The following CALB1 variants were observed in gnomAD, a reference collection of about 807,000 sequenced individuals.
CALB1 encodes calbindin 1.
Under a neutral mutation model 46.7 loss-of-function variants are expected in CALB1, and 16 were observed. The observed-to-expected ratio is 0.34, with a 90% confidence interval of 0.23 to 0.52. The LOEUF is 0.52. Ranked by LOEUF, CALB1 falls within the 20% of genes least tolerant of loss-of-function variation. The pLI is 0.95. For missense variants in CALB1, 224 were observed against 300.3 expected, an observed-to-expected ratio of 0.75 and a Z score of 1.88; for synonymous variants, 90 against 112.8, an observed-to-expected ratio of 0.80 and a Z score of 1.28.
chr8:90,062,764 G>C (rs1814326666), intron 9 of CALB1: 1 of 193,198 alleles, frequency 5.2e-6, no homozygotes, highest in South Asian at 1.1e-4. Context: ...AAAACAGTAT[G>C]GAGAGCCCTC....
rs1814278569 is a variant in CALB1, at chr8:90,060,623, A to G, written c.672+6T>C. 1 of 1,611,182 alleles carries G rather than the reference A, an allele frequency of 6.2e-7. No individual in the cohort carries two copies. The highest frequency in any genetic ancestry group is 1.7e-5 in the Admixed American group (1 of 59,994). On this transcript the variant is annotated splice_donor_region_variant and intron_variant, in intron 10 of 10. Transcript: ENST00000265431. Reference sequence around the variant, plus strand: ...AAAGAAGTAAGTGCCATGGTAACTAAGTTACCTGTTTATTCTTCTCGCACA... The same window carrying G: ...AAAGAAGTAAGTGCCATGGTAACTAGGTTACCTGTTTATTCTTCTCGCACA...
intron 3 of CALB1, among the ~76,000 whole-genome samples, chr8:90,073,342 C>T (rs1814567270): frequency 6.6e-6 from 1 of 152,084 alleles, no homozygotes; most frequent in African/African-American, 2.4e-5. Flanking sequence ...AATACCTGGG[C>T]TGAAGACAGC....
In CALB1 at chr8:90,060,247, T is replaced by C. The variant is rs1434592291; in HGVS notation, c.712A>G (p.Ile238Val). The C allele has an allele frequency of 1.2e-6, 2 of 1,611,986 alleles. No individual in the cohort carries two copies. Among genetic ancestry groups the C allele is most frequent in the Admixed American group, 1.7e-5 (1 of 60,020 alleles). Residue 238 changes from isoleucine (I) to valine (V), a missense_variant, in exon 11 of 11, where the codon ATA (isoleucine) becomes GTA (valine). Physicochemically the swap from Ile to Val is conservative, Grantham distance 29. Transcript: ENST00000265431. Reference protein sequence around the residue: ...INNITTYKKNIMALSDGGKLY... With the variant: ...INNITTYKKNVMALSDGGKLY... Reference sequence around the variant, plus strand: ...TTCCCTCCATCCGACAAAGCCATTATGTTCTTCTTGTATGTTGTAATATTA... The same window carrying C: ...TTCCCTCCATCCGACAAAGCCATTACGTTCTTCTTGTATGTTGTAATATTA...
In CALB1 at chr8:90,082,658, A is replaced by T. The variant is rs757651780; in HGVS notation, c.40T>A (p.Ser14Thr). The part of the protein sequence containing the change: ...SHLQSSLITA[S>T]QFFEIWLHFD... ...TGGAGCCAGATCTCGAAAAACTGTG[A>T]GGCTGTGATGAGGGATGACTGCAGG... Residue 14 changes from serine (S) to threonine (T), a missense_variant, in exon 1 of 11, where the codon TCA (serine) becomes ACA (threonine). Transcript: ENST00000265431. 6.2e-7 allele frequency: 1 copy of T among 1,614,150 alleles called. No homozygotes were observed. Among genetic ancestry groups the T allele is most frequent in the East Asian group, 2.2e-5 (1 of 44,876 alleles).
At chr8:90,080,470 C>G (rs546264735) in intron 2 of CALB1, among the ~76,000 whole-genome samples, 1 of 151,756 alleles carries the variant, frequency 6.6e-6, no homozygotes, top group African/African-American at 2.4e-5. Context: ...TAAGACTTTT[C>G]CAACCTGATT....
intron 5 of CALB1, among the ~76,000 whole-genome samples, chr8:90,067,989 A>G (rs148099059): frequency 2.8e-3 from 424 of 152,296 alleles, no homozygotes; most frequent in African/African-American, 9.3e-3. Context: ...TAGTCAGTAA[A>G]TATTAACTCA....
At chr8:90,082,572 G>C in intron 1 of CALB1, 47 bp downstream of exon 1, 2 of 1,444,816 alleles carry the variant, frequency 1.4e-6, no homozygotes, top group South Asian at 2.3e-5. Flanking sequence ...GAATGGGAAG[G>C]GGCATGGAAA....
chr8:90,063,222 T>C (rs1475788439), intron 8 of CALB1, 59 bp downstream of exon 8: 5 of 1,518,126 alleles, frequency 3.3e-6, no homozygotes, highest in Non-Finnish European at 4.6e-6. Context: ...CCTTGACAAG[T>C]CTCCCACATT....
At chr8:90,081,986 G>T (rs374036012) in intron 2 of CALB1, 40 bp downstream of exon 2, 6 of 1,543,724 alleles carry the variant, frequency 3.9e-6, no homozygotes, top group African/African-American at 1.4e-5. Context: ...TAATTTGGGG[G>T]TTAAAAGTCT....
chr8:90,066,890 T>C (rs1814410850), intron 5 of CALB1, among the ~76,000 whole-genome samples: 2 of 152,106 alleles, frequency 1.3e-5, no homozygotes, highest in Admixed American at 6.6e-5. Context: ...CCAGATATTA[T>C]TGAAGGATTA....
chr8:90,074,439 T>C (rs566279304), intron 3 of CALB1, among the ~76,000 whole-genome samples: 7 of 152,320 alleles, frequency 4.6e-5, no homozygotes, highest in African/African-American at 1.7e-4. Flanking sequence ...AGGCAGAGTC[T>C]GACTTTCTTG....
intron 3 of CALB1, among the ~76,000 whole-genome samples, chr8:90,072,251 A>G (rs1166598629): frequency 6.6e-6 from 1 of 152,250 alleles, no homozygotes; most frequent in African/African-American, 2.4e-5. Flanking sequence ...TTGTTTCAAC[A>G]TAAAAGTTCA....
chr8:90,082,534 G>A, intron 1 of CALB1, 85 bp downstream of exon 1: 1 of 1,049,702 alleles, frequency 9.5e-7, no homozygotes, highest in Non-Finnish European at 1.5e-6. Context: ...GAGGGATAAT[G>A]GGATCAGGAG....
At position 90,059,959 on chromosome 8, in the gene CALB1, C is replaced by T; in HGVS notation, c.*214G>A. ...AATTGGGTGTACTGACTGGCCTAAG[C>T]ATAGACTTTCTTCTTTTCAATCATA... On this transcript the variant is annotated 3_prime_UTR_variant, in exon 11 of 11. Transcript: ENST00000265431. The T allele has an allele frequency of 4.4e-6, 2 of 457,906 alleles. No homozygotes were observed. Among genetic ancestry groups the T allele is most frequent in the Non-Finnish European group, 3.9e-6 (1 of 258,872 alleles). The allele number at this position is 457,906 out of a possible 1,614,324, so 28.4% of individuals were successfully genotyped here. A position where few individuals can be genotyped will look rare whatever the true frequency, so the allele number is the denominator to read the frequency against.
intron 1 of CALB1, 41 bp downstream of exon 1, chr8:90,082,578 G>C: frequency 6.5e-7 from 1 of 1,530,078 alleles, no homozygotes; most frequent in Admixed American, 1.7e-5. Flanking sequence ...GAAGGGGCAT[G>C]GAAACGGGTC....
In CALB1 at chr8:90,063,138, C is replaced by T. The variant is rs769858053; in HGVS notation, c.562G>A (p.Gly188Arg). Residue 188 changes from glycine to arginine, a missense_variant, in exon 9 of 11, where the codon GGG (glycine) becomes AGG (arginine). Gly to Arg is a moderately radical substitution (Grantham distance 125). Transcript: ENST00000265431. ...LLKFQGIKMCGKEFNKAFELY... is the reference protein window; with the variant it reads ...LLKFQGIKMCRKEFNKAFELY... The stretch of plus-strand genomic sequence containing the variant: ...TCAAAAGCCTTATTGAACTCTTTCC[C>T]ACACATTTTGATTCCCTAAAGATAG... 1 of 1,608,334 alleles carries T rather than the reference C, an allele frequency of 6.2e-7. No homozygotes were observed. The highest frequency in any genetic ancestry group is 1.1e-5 in the South Asian group (1 of 90,728).
intron 9 of CALB1, chr8:90,061,763 T>C (rs545957106): frequency 6.6e-6 from 1 of 152,216 alleles, no homozygotes; most frequent in East Asian, 1.9e-4. Context: ...GGCTTAATAT[T>C]GTTAAAATGT....
At chr8:90,082,371 C>T (rs926218194) in intron 1 of CALB1, 15 of 605,360 alleles carry the variant, frequency 2.5e-5, no homozygotes, top group Non-Finnish European at 4.1e-5. Context: ...TGCTCTCTCT[C>T]TCCTACCATT....
intron 9 of CALB1, 115 bp downstream of exon 9, chr8:90,062,985 C>T: frequency 1.5e-6 from 1 of 663,138 alleles, no homozygotes; most frequent in Non-Finnish European, 2.6e-6. Context: ...GATCTGCTGT[C>T]AAGATTGTCT....
Sources: gnomAD v4.1 joint callset for allele counts (sites outside exome capture counted in the v4.1 genomes callset) on GRCh38, gnomAD v4.1.1 for gene constraint, MANE v1.5 for transcripts, NCBI Gene and HGNC (gene_info 2026-07-23, HGNC 2026-07-21) for gene names.